The following CPE variants were observed in gnomAD, a reference collection of about 807,000 sequenced individuals.
CPE encodes carboxypeptidase E.
In CPE, 17 loss-of-function variants were observed where a neutral mutation model predicts 53.5. The ratio of observed to expected loss-of-function variants is 0.32; its 90% CI spans 0.22 to 0.48. The LOEUF (loss-of-function observed/expected upper bound fraction) is 0.48. Ranked by LOEUF, CPE falls within the 20% of genes least tolerant of loss-of-function variation. CPE has a pLI of 0.99. For synonymous variants in CPE, 226 were observed against 228.8 expected, an observed-to-expected ratio of 0.99 and a Z score of 0.11; for missense variants, 524 against 614.7, an observed-to-expected ratio of 0.85 and a Z score of 1.56.
intron 1 of CPE, among the ~76,000 whole-genome samples, chr4:165,390,473 T>G (rs146311097): frequency 3.6e-3 from 542 of 152,344 alleles, no homozygotes; most frequent in Non-Finnish European, 6.1e-3. Flanking sequence ...CAGAAAACTT[T>G]AGAGGTGTTG....
At chr4:165,393,468 A>G (rs769312298) in intron 1 of CPE, among the ~76,000 whole-genome samples, 5 of 151,402 alleles carry the variant, frequency 3.3e-5, no homozygotes, top group Admixed American at 1.3e-4. Flanking sequence ...GTGAAACATT[A>G]GAATTATAGT....
intron 2 of CPE, among the ~76,000 whole-genome samples, 185 bp from the exon 3 acceptor site, chr4:165,467,503 A>G (rs978466502): frequency 2.0e-5 from 3 of 152,246 alleles, no homozygotes; most frequent in Admixed American, 2.0e-4. Context: ...GGCCCATCAC[A>G]GTACTTTAAA....
In CPE at chr4:165,379,830, G is replaced by C. The variant is rs555721212; in HGVS notation, c.307+302G>C. Among the ~76,000 whole-genome samples the C allele has an allele frequency of 6.6e-5, 10 of 152,150 alleles. No homozygotes were observed. In the South Asian group the frequency reaches 1.2e-3, roughly 19 times the overall value. ...TGGGAGGCTGGGGTGGCGGGGGATG[G>C]GGGGGATAGCAATACAGAAAAAACA... On this transcript the variant is annotated intron_variant, in intron 1 of 8. Transcript: ENST00000402744. This position sits in a 1 kb window ranked among gnomAD's most constrained non-coding sequence, Gnocchi z 6.0.
chr4:165,440,759 G>A (rs1199785170), intron 1 of CPE, among the ~76,000 whole-genome samples: 10 of 151,986 alleles, frequency 6.6e-5, no homozygotes, highest in African/African-American at 2.2e-4. Context: ...GCCTTGAGGG[G>A]TTGTCCTCAG....
Position 165,482,352 on chromosome 4 carries a change from G to T in CPE, c.783G>T (p.Thr261=). 10 of 1,605,842 alleles carry T rather than the reference G, an allele frequency of 6.2e-6. No individual in the cohort carries two copies. Among genetic ancestry groups the T allele is most frequent in the Non-Finnish European group, 8.5e-6 (10 of 1,172,644 alleles). Residue 261 remains threonine (T), a synonymous_variant, in exon 4 of 9, where the codon ACG becomes ACT. Coordinates refer to ENST00000402744, the MANE Select transcript of CPE (RefSeq NM_001873.4). The part of the protein sequence containing the change: ...DLVANYPYDE[T]RSGSAHEYSS... ...TGGCCAATTATCCATATGATGAGAC[G>T]CGGAGTGGTAGGTATTCTTTCTGCT...
chr4:165,432,220 C>T (rs910737663), intron 1 of CPE, among the ~76,000 whole-genome samples: 2 of 152,164 alleles, frequency 1.3e-5, no homozygotes, highest in African/African-American at 2.4e-5. Context: ...GCCATTGTGC[C>T]GGGCACTGAT....
intron 3 of CPE, among the ~76,000 whole-genome samples, chr4:165,470,865 T>C (rs1732193345): frequency 6.6e-6 from 1 of 152,108 alleles, no homozygotes. Context: ...CAGGGTAGGA[T>C]GGCTCCATGG....
At position 165,481,021 on chromosome 4, in the gene CPE, T is replaced by A. The variant is rs865794619; in HGVS notation, c.673-1221T>A. On this transcript the variant is annotated intron_variant, in intron 3 of 8. Transcript: ENST00000402744. ...ATATATATATATATATATATATTTT[T>A]TTTTTTTTTTTTAGCAAAAATAAGA... 9.9e-4 allele frequency among the ~76,000 whole-genome samples: 141 copies of A among 142,522 alleles called. 1 individual carries two copies. The highest frequency in any genetic ancestry group is 3.7e-3 in the African/African-American group (135 of 36,362). The allele number at this position is 142,522 out of a possible 152,430, so 93.5% of individuals were successfully genotyped here.
At chr4:165,405,858 A>G (rs934819) in intron 1 of CPE, 331,950 of 740,874 alleles carry the variant, frequency 0.45, 76,087 homozygotes, top group African/African-American at 0.58. Flanking sequence ...CTTCAGGAGC[A>G]CCGAATACTG....
chr4:165,387,971 C>A (rs1435928307), intron 1 of CPE, among the ~76,000 whole-genome samples: 3 of 152,196 alleles, frequency 2.0e-5, no homozygotes, highest in East Asian at 1.9e-4. Flanking sequence ...TTAGAAGGAA[C>A]AATAATTATC....
chr4:165,475,877 GAGA>G (rs1238799790), intron 3 of CPE, among the ~76,000 whole-genome samples: 4 of 152,170 alleles, frequency 2.6e-5, no homozygotes, highest in Non-Finnish European at 5.9e-5. Flanking sequence ...CATTGTGGCT[GAGA>G]AGAATTGTTC....
intron 1 of CPE, among the ~76,000 whole-genome samples, chr4:165,447,267 A>G (rs1407975137): frequency 2.6e-5 from 4 of 152,146 alleles, no homozygotes; most frequent in African/African-American, 9.7e-5. Flanking sequence ...GTTACACAAA[A>G]TTTATTAAGA....
chr4:165,481,620 C>T (rs1173313704), intron 3 of CPE, among the ~76,000 whole-genome samples: 1 of 152,088 alleles, frequency 6.6e-6, no homozygotes, highest in East Asian at 1.9e-4. Context: ...GTGAATCATT[C>T]TAAAGACTTA....
chr4:165,464,833 G>T (rs1277714862), intron 2 of CPE, among the ~76,000 whole-genome samples: 2 of 152,242 alleles, frequency 1.3e-5, no homozygotes, highest in South Asian at 2.1e-4. Context: ...TTCTAATAGT[G>T]TTCTGTTTTA....
chr4:165,406,730 C>G (rs1357878522), intron 1 of CPE, among the ~76,000 whole-genome samples: 2 of 152,216 alleles, frequency 1.3e-5, no homozygotes, highest in Non-Finnish European at 2.9e-5. Flanking sequence ...GAACCCCATA[C>G]CCATTAGCAG....
intron 1 of CPE, among the ~76,000 whole-genome samples, chr4:165,433,087 A>C (rs1361695252): frequency 6.6e-6 from 1 of 152,238 alleles, no homozygotes; most frequent in Non-Finnish European, 1.5e-5. Flanking sequence ...TAAGTGTTTC[A>C]ATGACTCTAG....
At chr4:165,465,972 T>C (rs550960123) in intron 2 of CPE, among the ~76,000 whole-genome samples, 1 of 152,326 alleles carries the variant, frequency 6.6e-6, no homozygotes, top group East Asian at 1.9e-4. Context: ...GATAAATATC[T>C]CTTTATATTA....
At chr4:165,420,429 A>G (rs1226092293) in intron 1 of CPE, among the ~76,000 whole-genome samples, 1 of 152,114 alleles carries the variant, frequency 6.6e-6, no homozygotes, top group East Asian at 1.9e-4. Context: ...TTGGAGTAAA[A>G]CAACTATTTA....
chr4:165,451,769 C>T (rs1731815099), intron 1 of CPE, among the ~76,000 whole-genome samples: 1 of 150,424 alleles, frequency 6.6e-6, no homozygotes, highest in South Asian at 2.1e-4. Context: ...GGATTACAGT[C>T]GTGAGCCACT....
Sources: gnomAD v4.1 joint callset for allele counts (sites outside exome capture counted in the v4.1 genomes callset) on GRCh38, gnomAD v4.1.1 for gene constraint, Gnocchi (gnomAD v3.1) non-coding constraint, MANE v1.5 for transcripts, NCBI Gene and HGNC (gene_info 2026-07-23, HGNC 2026-07-21) for gene names.